ARID1B: variants seen among roughly 807,000 people sequenced by gnomAD.
ARID1B encodes AT-rich interactive domain-containing protein 1B.
In ARID1B, 30 loss-of-function variants were observed where a neutral mutation model predicts 212.3. The ratio of observed to expected loss-of-function variants is 0.14; its 90% CI spans 0.11 to 0.19. The LOEUF is 0.19. ARID1B is among the 10% of genes least tolerant of loss of function. The probability of loss-of-function intolerance (pLI) is 1.00; values close to 1 mark genes in which losing one functional copy is unlikely to be tolerated. For synonymous variants in ARID1B, 1,402 were observed against 1,301.7 expected (o/e 1.08, Z -1.66); for missense variants, 2,891 against 3,204.0 (o/e 0.90, Z 2.36).
rs141315900 is a variant in ARID1B at position 157,187,272 on chromosome 6, A to C, written c.3920-2370A>C. Among the ~76,000 whole-genome samples, 856 of 152,310 alleles carry C rather than the reference A, an allele frequency of 5.6e-3. 8 individuals carry two copies. Among genetic ancestry groups the C allele is most frequent in the African/African-American group, 0.019 (809 of 41,562 alleles). On this transcript the variant is annotated intron_variant, in intron 13 of 19. Transcript: ENST00000636930. ...GGGCAGGGGTGGGGCATGGAGCTCC[A>C]CATTCGGTTAATAAGTCTGTAACCA...
rs186727650 is a variant in ARID1B, at chr6:156,971,823, C to G, written c.2247+36247C>G. Reference sequence around the variant, plus strand: ...GCTCTCCTGCTTAGAACGGGCCTACCCACGATAATTTCCTTTTCGATTAAC... The same window carrying G: ...GCTCTCCTGCTTAGAACGGGCCTACGCACGATAATTTCCTTTTCGATTAAC... On this transcript the variant is annotated intron_variant, in intron 4 of 19. Transcript: ENST00000636930. 3.3e-5 allele frequency among the ~76,000 whole-genome samples: 5 copies of G among 152,272 alleles called. No individual in the cohort carries two copies. In the East Asian group the frequency reaches 9.7e-4, roughly 29 times the overall value.
At chr6:156,810,999 C>CGGGCT (rs1175144623) in intron 1 of ARID1B, among the ~76,000 whole-genome samples, 2 of 152,072 alleles carry the variant, frequency 1.3e-5, no homozygotes, top group Non-Finnish European at 2.9e-5. Context: ...AGGTGTCAGC[C>CGGGCT]GGGCTGCATT....
chr6:156,883,659 C>T (rs1336757633), intron 2 of ARID1B, among the ~76,000 whole-genome samples: 2 of 152,206 alleles, frequency 1.3e-5, no homozygotes, highest in Non-Finnish European at 2.9e-5. Context: ...CACCTCGGGA[C>T]TGTCACCTCG....
At chr6:156,881,348 T>C (rs1428275257) in intron 2 of ARID1B, among the ~76,000 whole-genome samples, 1 of 152,240 alleles carries the variant, frequency 6.6e-6, no homozygotes, top group Non-Finnish European at 1.5e-5. Context: ...TCTGGCATGT[T>C]GTATTTGAAG....
In ARID1B at chr6:156,778,556, C is replaced by G. The variant is rs1333423004; in HGVS notation, c.876C>G (p.Gly292=). 1 of 1,234,724 alleles carries G rather than the reference C, an allele frequency of 8.1e-7. No individual in the cohort carries two copies. The highest frequency in any genetic ancestry group is 3.3e-5 in the East Asian group (1 of 30,154). 76.5% of individuals were successfully genotyped at this position (1,234,724 alleles called of 1,614,324 possible). Reference sequence around the variant, plus strand: ...AGCACCCGGGCTTGGGCGCCCTGGGCACGCAGCAGCCGCCGGTCGCCGTGC... The same window carrying G: ...AGCACCCGGGCTTGGGCGCCCTGGGGACGCAGCAGCCGCCGGTCGCCGTGC... ...RYEHPGLGAL[G]TQQPPVAVPG... is the part of the protein sequence containing the mutation. Residue 292 remains glycine, a synonymous_variant, in exon 1 of 20, where the codon GGC becomes GGG. Transcript: ENST00000636930.
At chr6:157,051,511 T>C (rs539729577) in intron 4 of ARID1B, among the ~76,000 whole-genome samples, 196 of 152,350 alleles carry the variant, frequency 1.3e-3, no homozygotes, top group African/African-American at 4.5e-3. Context: ...TTATTTTAGA[T>C]GACTATTTGT....
At chr6:156,878,909 A>G (rs1237147546) in intron 2 of ARID1B, among the ~76,000 whole-genome samples, 2 of 152,242 alleles carry the variant, frequency 1.3e-5, no homozygotes, top group African/African-American at 4.8e-5. Flanking sequence ...GTGTTTTTGC[A>G]TCAGCATTTC....
chr6:157,157,306 C>T (rs149087929), intron 8 of ARID1B, among the ~76,000 whole-genome samples: 5,388 of 152,278 alleles, frequency 0.035, 326 homozygotes, highest in African/African-American at 0.12. Flanking sequence ...CGAGAACCAG[C>T]ATTAAAGCGC....
At chr6:156,813,642 T>C (rs985499062) in intron 1 of ARID1B, among the ~76,000 whole-genome samples, 1 of 152,202 alleles carries the variant, frequency 6.6e-6, no homozygotes, top group Admixed American at 6.5e-5. Flanking sequence ...TTTATATGAT[T>C]CTTTTTAAAT....
At chr6:157,151,191 G>A (rs533505990) in intron 8 of ARID1B, 1 of 152,278 alleles carries the variant, frequency 6.6e-6, no homozygotes, top group African/African-American at 2.4e-5. Context: ...CACCACCTCT[G>A]GCGTCATTTC....
intron 4 of ARID1B, among the ~76,000 whole-genome samples, chr6:157,049,070 A>G (rs1365137098): frequency 6.6e-6 from 1 of 150,708 alleles, no homozygotes; most frequent in African/African-American, 2.4e-5. Context: ...GCTACTCAGG[A>G]GGCTGAGGCA....
chr6:156,948,843 T>C (rs1338209782), intron 4 of ARID1B, among the ~76,000 whole-genome samples: 1 of 152,184 alleles, frequency 6.6e-6, no homozygotes, highest in Non-Finnish European at 1.5e-5. Context: ...TTACTGAAAA[T>C]ACTTTAACAT....
intron 4 of ARID1B, among the ~76,000 whole-genome samples, chr6:156,971,585 A>G (rs1776929091): frequency 6.6e-6 from 1 of 152,158 alleles, no homozygotes; most frequent in African/African-American, 2.4e-5. Flanking sequence ...TGGCTCAGGA[A>G]TCTGGGCAGG....
intron 1 of ARID1B, among the ~76,000 whole-genome samples, chr6:156,792,785 C>T (rs1189754396): frequency 6.6e-6 from 1 of 152,084 alleles, no homozygotes; most frequent in South Asian, 2.1e-4. Flanking sequence ...TCAGAGCATC[C>T]GTTACAGGCG....
At chr6:157,091,262 A>AC (rs1464211811) in intron 5 of ARID1B, among the ~76,000 whole-genome samples, 1 of 152,122 alleles carries the variant, frequency 6.6e-6, no homozygotes, top group African/African-American at 2.4e-5. Flanking sequence ...AAAATCTCAG[A>AC]CAAAAAGCAT....
intron 4 of ARID1B, among the ~76,000 whole-genome samples, chr6:156,987,334 G>GTT (rs539734937): frequency 1.7e-4 from 25 of 145,144 alleles, no homozygotes; most frequent in South Asian, 2.2e-4. Flanking sequence ...ACCAGTGCTA[G>GTT]TTTTTTTTTT....
intron 5 of ARID1B, among the ~76,000 whole-genome samples, chr6:157,095,586 T>A (rs1046560298): frequency 6.6e-6 from 1 of 152,224 alleles, no homozygotes; most frequent in African/African-American, 2.4e-5. Flanking sequence ...TAGGAGCACA[T>A]ACATTTCTCA....
At chr6:156,795,598 A>C (rs1780310753) in intron 1 of ARID1B, among the ~76,000 whole-genome samples, 1 of 152,088 alleles carries the variant, frequency 6.6e-6, no homozygotes, top group South Asian at 2.1e-4. Context: ...TAGAGTCTTG[A>C]TTATTTCTGT....
intron 4 of ARID1B, chr6:156,937,208 TGAGA>T (rs1205363964): frequency 1.3e-5 from 2 of 151,954 alleles, no homozygotes; most frequent in Admixed American, 6.6e-5. Flanking sequence ...TGTACGTGTG[TGAGA>T]GAGAGAGAAG....
Sources: allele counts gnomAD v4.1 joint callset (sites outside exome capture counted in the v4.1 genomes callset), GRCh38; gene constraint gnomAD v4.1.1; transcripts MANE v1.5; gene names NCBI Gene and HGNC (gene_info 2026-07-23, HGNC 2026-07-21).